Variants in ARL15 observed in about 807,000 individuals in gnomAD.
The protein encoded by ARL15 is ADP-ribosylation factor-like protein 15.
Under a neutral mutation model 25.2 loss-of-function variants are expected in ARL15, and 19 were observed. That is an observed-to-expected ratio of 0.75 (90% CI 0.53 to 1.10). The LOEUF (loss-of-function observed/expected upper bound fraction) is 1.10. Among genes scored for constraint, ARL15 ranks in the 50% least tolerant of loss-of-function variants. The pLI, the probability that ARL15 is intolerant of heterozygous loss-of-function variation, is 0.00. For synonymous variants in ARL15, 94 were observed against 86.8 expected (o/e 1.08, Z -0.46); for missense variants, 220 against 246.0 (o/e 0.89, Z 0.71).
chr5:54,134,446 T>A (rs1024559636), intron 3 of ARL15, among the ~76,000 whole-genome samples: 5 of 152,086 alleles, frequency 3.3e-5, no homozygotes, highest in African/African-American at 1.2e-4. Context: ...TTGCAACCAA[T>A]CTTGGTTTTC....
chr5:54,302,224 C>G (rs1758632004), intron 1 of ARL15, among the ~76,000 whole-genome samples: 2 of 152,182 alleles, frequency 1.3e-5, no homozygotes, highest in South Asian at 2.1e-4. Context: ...CACAGTCTCT[C>G]TCACTCATCC....
intron 3 of ARL15, among the ~76,000 whole-genome samples, chr5:54,125,085 G>GTT (rs70986660): frequency 9.5e-5 from 13 of 136,446 alleles, no homozygotes; most frequent in Admixed American, 2.9e-4. Context: ...GTTTTGTTTT[G>GTT]TTTTTTTTTT....
At chr5:54,242,498 T>C (rs1425423125) in intron 1 of ARL15, among the ~76,000 whole-genome samples, 1 of 152,178 alleles carries the variant, frequency 6.6e-6, no homozygotes, top group Non-Finnish European at 1.5e-5. Context: ...GGTCTGTTCA[T>C]GAATAGGACA....
intron 2 of ARL15, among the ~76,000 whole-genome samples, chr5:54,155,974 TA>T (rs1318977731): frequency 6.6e-6 from 1 of 152,192 alleles, no homozygotes; most frequent in Non-Finnish European, 1.5e-5. Context: ...ATTTTAAGAT[TA>T]AAAAAGTTTC....
At chr5:54,093,029 A>G (rs1438448814) in intron 4 of ARL15, among the ~76,000 whole-genome samples, 2 of 152,176 alleles carry the variant, frequency 1.3e-5, no homozygotes, top group East Asian at 1.9e-4. Flanking sequence ...ACACATATAT[A>G]TTATAGGCAC....
At chr5:53,947,518 A>G (rs1655696953) in intron 4 of ARL15, among the ~76,000 whole-genome samples, 1 of 152,146 alleles carries the variant, frequency 6.6e-6, no homozygotes, top group Admixed American at 6.5e-5. Context: ...ATCTGTGAAT[A>G]TGTAGAGCAA....
intron 4 of ARL15, among the ~76,000 whole-genome samples, chr5:53,936,528 C>T (rs1298584751): frequency 6.6e-6 from 1 of 152,194 alleles, no homozygotes; most frequent in African/African-American, 2.4e-5. Context: ...GGCTTTGCCA[C>T]TTGCTATTGG....
chr5:54,026,254 T>C (rs553037171), intron 4 of ARL15, among the ~76,000 whole-genome samples: 1 of 152,278 alleles, frequency 6.6e-6, no homozygotes, highest in African/African-American at 2.4e-5. Context: ...ACCAAAATTA[T>C]AGCTTTCAAT....
At chr5:54,287,399 G>A (rs1222138245) in intron 1 of ARL15, among the ~76,000 whole-genome samples, 1 of 151,808 alleles carries the variant, frequency 6.6e-6, no homozygotes, top group East Asian at 1.9e-4. Flanking sequence ...CATTCTTATA[G>A]GCATGTCAGG....
chr5:54,225,763 C>T (rs575668274), intron 1 of ARL15, among the ~76,000 whole-genome samples: 3 of 152,210 alleles, frequency 2.0e-5, no homozygotes, highest in African/African-American at 7.2e-5. Context: ...AGTAAGGACA[C>T]ACCATCGCAT....
intron 3 of ARL15, among the ~76,000 whole-genome samples, chr5:54,152,412 T>A (rs1416239114): frequency 1.3e-5 from 2 of 152,122 alleles, no homozygotes; most frequent in Non-Finnish European, 1.5e-5. Context: ...TCAAAAAATA[T>A]TTGAGGAAAT....
At chr5:54,274,382 C>CT (rs1757869875) in intron 1 of ARL15, among the ~76,000 whole-genome samples, 1 of 152,164 alleles carries the variant, frequency 6.6e-6, no homozygotes, top group Non-Finnish European at 1.5e-5. Flanking sequence ...TGCCTGGACT[C>CT]TAATTTCAAA....
At chr5:54,291,788 T>C (rs1206883651) in intron 1 of ARL15, among the ~76,000 whole-genome samples, 2 of 152,192 alleles carry the variant, frequency 1.3e-5, no homozygotes, top group African/African-American at 4.8e-5. Flanking sequence ...AATCTGGTGC[T>C]ATCACCTCCT....
intron 4 of ARL15, among the ~76,000 whole-genome samples, chr5:53,987,609 G>A (rs1183032084): frequency 2.0e-5 from 3 of 152,034 alleles, no homozygotes; most frequent in Non-Finnish European, 4.4e-5. Context: ...GGAAGCTCAA[G>A]TCAAGTTTCT....
At chr5:54,096,088 A>G (rs1412713386) in intron 4 of ARL15, among the ~76,000 whole-genome samples, 2 of 150,816 alleles carry the variant, frequency 1.3e-5, no homozygotes, top group Admixed American at 1.3e-4. Context: ...GGATAAGGAG[A>G]TAATACCACA....
chr5:54,254,138 C>T (rs749748493), intron 1 of ARL15, among the ~76,000 whole-genome samples: 10 of 152,278 alleles, frequency 6.6e-5, no homozygotes, highest in Middle Eastern at 3.4e-3. Flanking sequence ...GATCTTCAAA[C>T]TCTGTTTCCG....
chr5:53,907,284 T>A (rs1745277306), intron 4 of ARL15, among the ~76,000 whole-genome samples: 1 of 151,538 alleles, frequency 6.6e-6, no homozygotes, highest in Non-Finnish European at 1.5e-5. Flanking sequence ...ACATACCTTG[T>A]GGTGATATCC....
At position 54,001,737 on chromosome 5, in the gene ARL15, A is replaced by G. The variant is rs927023646; in HGVS notation, c.462+111465T>C. Among the ~76,000 whole-genome samples, 12 of 152,186 alleles carry G rather than the reference A, an allele frequency of 7.9e-5. 1 individual carries two copies. Among genetic ancestry groups the G allele is most frequent in the Non-Finnish European group, 1.5e-4 (10 of 68,038 alleles). On this transcript the variant is annotated intron_variant, in intron 4 of 4. Transcript: ENST00000504924. ...TAAGGGTTGAATGCTGCTTCATGCAATGCTTAATTTGAGTCAACAATGGCT... is the reference window on the plus strand; with the variant it reads ...TAAGGGTTGAATGCTGCTTCATGCAGTGCTTAATTTGAGTCAACAATGGCT...
chr5:54,116,241 T>G (rs78718938), intron 3 of ARL15, among the ~76,000 whole-genome samples: 21,314 of 152,102 alleles, frequency 0.14, 1,942 homozygotes, highest in Non-Finnish European at 0.19. Flanking sequence ...GGCAGGCCTC[T>G]GGAGAAGAGT....
Sources: allele counts gnomAD v4.1 joint callset (sites outside exome capture counted in the v4.1 genomes callset), GRCh38; gene constraint gnomAD v4.1.1; transcripts MANE v1.5; gene names NCBI Gene and HGNC (gene_info 2026-07-23, HGNC 2026-07-21).